Variants in ZNF624 observed in about 807,000 individuals in gnomAD.
ZNF624 encodes zinc finger protein 624.
A neutral mutation model predicts 74.7 loss-of-function variants in ZNF624; 43 were observed. The ratio of observed to expected loss-of-function variants is 0.58; its 90% CI spans 0.45 to 0.74. ZNF624 has a LOEUF of 0.74. Ranked by LOEUF, ZNF624 falls within the 30% of genes least tolerant of loss-of-function variation. The probability of loss-of-function intolerance (pLI) is 0.00; values close to 1 mark genes in which losing one functional copy is unlikely to be tolerated. For synonymous variants in ZNF624, 331 were observed against 341.3 expected, an observed-to-expected ratio of 0.97 and a Z score of 0.33; for missense variants, 820 against 1,030.0, an observed-to-expected ratio of 0.80 and a Z score of 2.79.
intron 3 of ZNF624, among the ~76,000 whole-genome samples, chr17:16,638,735 T>C (rs1345259295): frequency 6.6e-6 from 1 of 151,944 alleles, no homozygotes; most frequent in Non-Finnish European, 1.5e-5. Flanking sequence ...AGGGATAGCA[T>C]TAGGAGATAT....
downstream of ZNF624, chr17:16,617,119 C>G (rs4792757): frequency 0.2 from 316,642 of 1,611,864 alleles, 33,215 homozygotes; most frequent in East Asian, 0.36. Context: ...ATGGGAGCCC[C>G]GATCAGACTT....
At chr17:16,629,226 GTC>G (rs1227861935) in intron 5 of ZNF624, among the ~76,000 whole-genome samples, 4 of 138,006 alleles carry the variant, frequency 2.9e-5, no homozygotes, top group African/African-American at 8.0e-5. Flanking sequence ...AAAAAAATCT[GTC>G]TCTCTCTCTT....
chr17:16,638,570 G>A (rs1909390976), intron 3 of ZNF624, among the ~76,000 whole-genome samples: 1 of 152,166 alleles, frequency 6.6e-6, no homozygotes, highest in South Asian at 2.1e-4. Context: ...TAGGGACATG[G>A]ATGAAACTGG....
At chr17:16,642,913 A>T (rs1459059669) in intron 3 of ZNF624, among the ~76,000 whole-genome samples, 3 of 152,240 alleles carry the variant, frequency 2.0e-5, no homozygotes, top group Non-Finnish European at 4.4e-5. Context: ...AGTATGCTCA[A>T]GAGAAGATGC....
chr17:16,617,670 C>T (rs1321016830), downstream of ZNF624: 24 of 1,592,346 alleles, frequency 1.5e-5, no homozygotes, highest in Non-Finnish European at 2.0e-5. Context: ...ACGCGGGCCC[C>T]GGGCGTGCTC....
At chr17:16,639,823 G>A (rs1003933987) in intron 3 of ZNF624, among the ~76,000 whole-genome samples, 3 of 152,180 alleles carry the variant, frequency 2.0e-5, no homozygotes, top group South Asian at 4.2e-4. Flanking sequence ...CCCAGAGAGG[G>A]GAGAATCTGA....
chr17:16,645,961 A>G (rs933542056), intron 3 of ZNF624, among the ~76,000 whole-genome samples: 36 of 151,228 alleles, frequency 2.4e-4, no homozygotes, highest in African/African-American at 6.6e-4. Flanking sequence ...AAAAAAAAAA[A>G]AAAAGAAAAT....
the ZNF624 span, among the ~76,000 whole-genome samples, chr17:16,614,687 T>C: frequency 1.3e-5 from 2 of 152,094 alleles, no homozygotes; most frequent in Non-Finnish European, 2.9e-5. Flanking sequence ...ATAAAGGGAA[T>C]CCTCAACTCA....
intron 5 of ZNF624, among the ~76,000 whole-genome samples, chr17:16,625,417 G>C (rs1166197229): frequency 6.6e-6 from 1 of 152,078 alleles, no homozygotes; most frequent in Admixed American, 6.5e-5. Flanking sequence ...TCTGACCTCA[G>C]GTGATCCACC....
chr17:16,652,765 T>C (rs1325848416), intron 1 of ZNF624, among the ~76,000 whole-genome samples: 2 of 152,188 alleles, frequency 1.3e-5, no homozygotes, highest in African/African-American at 2.4e-5. Flanking sequence ...TATCTACCTA[T>C]ACATAGGAGT....
intron 3 of ZNF624, among the ~76,000 whole-genome samples, chr17:16,643,001 T>A (rs557683026): frequency 6.6e-6 from 1 of 152,296 alleles, no homozygotes; most frequent in African/African-American, 2.4e-5. Context: ...AAGATGTGTA[T>A]AATCAAAAAA....
intron 5 of ZNF624, among the ~76,000 whole-genome samples, chr17:16,632,365 T>C (rs7224237): frequency 0.09 from 13,766 of 152,216 alleles, 786 homozygotes; most frequent in African/African-American, 0.15. Flanking sequence ...GGCAATCCTA[T>C]CAGCACTCAA....
rs771613801 is a variant in ZNF624 at position 16,649,671 on chromosome 17, G to A, written c.74C>T (p.Ser25Leu). 6.2e-7 allele frequency: 1 copy of A among 1,614,032 alleles called. No individual in the cohort carries two copies. Among genetic ancestry groups the A allele is most frequent in the Non-Finnish European group, 8.5e-7 (1 of 1,179,938 alleles). ...ATCCCAACTTACCAGGCGTCCAACTGAGAAAAACACAGCAGCCATAATCTC... is the reference window on the plus strand; with the variant it reads ...ATCCCAACTTACCAGGCGTCCAACTAAGAAAAACACAGCAGCCATAATCTC... The part of the protein sequence containing the change: ...EGEIMAAVFF[S>L]VGRLSPEVTQ... Residue 25 changes from serine (S) to leucine (L), a missense_variant, in exon 2 of 6, where the codon TCA becomes TTA. Physicochemically the swap from Ser to Leu is moderately radical, Grantham distance 145. Transcript: ENST00000311331.
rs867225909 is a variant in ZNF624, at chr17:16,622,371, T to G, written c.2515A>C (p.Asn839His). 6.2e-7 allele frequency: 1 copy of G among 1,613,168 alleles called. No homozygotes were observed. The highest frequency in any genetic ancestry group is 1.1e-5 in the South Asian group (1 of 90,916). The change falls in exon 6 of 6, where the codon AAT (asparagine) becomes CAT (histidine). Residue 839 changes from asparagine (N) to histidine (H), a missense_variant. Asn to His is a moderately conservative substitution (Grantham distance 68). Coordinates refer to ENST00000311331, the MANE Select transcript of ZNF624 (RefSeq NM_020787.4). ...MHTGEKPYKC[N>H]ECGKAFRSSS... ...CTCCTGAAGGCTTTTCCACATTCAT[T>G]ACATTTATAGGGTTTTTCTCCAGTA...
intron 3 of ZNF624, among the ~76,000 whole-genome samples, chr17:16,645,961 A>AG (rs1366650221): frequency 9.9e-5 from 15 of 151,112 alleles, no homozygotes; most frequent in Non-Finnish European, 1.9e-4. Flanking sequence ...AAAAAAAAAA[A>AG]AAAAGAAAAT....
downstream of ZNF624, among the ~76,000 whole-genome samples, chr17:16,618,854 G>C (rs1303564672): frequency 1.3e-5 from 2 of 152,130 alleles, no homozygotes; most frequent in African/African-American, 4.8e-5. Context: ...CAAAATATGT[G>C]TTAATTGACT....
At chr17:16,653,199 A>T (rs1364837988) in intron 1 of ZNF624, among the ~76,000 whole-genome samples, 2 of 152,272 alleles carry the variant, frequency 1.3e-5, no homozygotes, top group African/African-American at 4.8e-5. Context: ...AGTGATTAAA[A>T]GGTGATTACA....
At chr17:16,626,927 C>G (rs961694234) in intron 5 of ZNF624, among the ~76,000 whole-genome samples, 1 of 152,022 alleles carries the variant, frequency 6.6e-6, no homozygotes, top group African/African-American at 2.4e-5. Context: ...TGGTGGCACA[C>G]GCTTATAATC....
chr17:16,617,978 C>T (rs567921727), downstream of ZNF624: 2 of 713,534 alleles, frequency 2.8e-6, no homozygotes, highest in East Asian at 2.7e-5. Flanking sequence ...AGCCCGAACA[C>T]GCGCCTCACA....
Sources: allele counts gnomAD v4.1 joint callset (sites outside exome capture counted in the v4.1 genomes callset), GRCh38; gene constraint gnomAD v4.1.1; transcripts MANE v1.5; gene names NCBI Gene and HGNC (gene_info 2026-07-23, HGNC 2026-07-21).